The following MYO16 variants were observed in gnomAD, a reference collection of about 807,000 sequenced individuals.
MYO16 encodes unconventional myosin-XVI.
Under a neutral mutation model 205.3 loss-of-function variants are expected in MYO16, and 94 were observed. The observed-to-expected ratio is 0.46, with a 90% CI of 0.39 to 0.54. The LOEUF (loss-of-function observed/expected upper bound fraction) is 0.54. Ranked by LOEUF, MYO16 falls within the 20% of genes least tolerant of loss-of-function variation. The pLI, the probability that MYO16 is intolerant of heterozygous loss-of-function variation, is 0.00. For synonymous variants in MYO16, 988 were observed against 954.0 expected (o/e 1.04, Z -0.66); for missense variants, 2,315 against 2,387.5 (o/e 0.97, Z 0.63).
intron 28 of MYO16, among the ~76,000 whole-genome samples, chr13:109,116,825 G>A (rs1363288520): frequency 6.6e-6 from 1 of 152,112 alleles, no homozygotes; most frequent in African/African-American, 2.4e-5. Context: ...AAGGAGCAGG[G>A]TTGGCAACTG....
chr13:108,863,064 A>G (rs1878523734), intron 11 of MYO16, among the ~76,000 whole-genome samples: 1 of 151,694 alleles, frequency 6.6e-6, no homozygotes, highest in Admixed American at 6.6e-5. Context: ...TTCATTTTTT[A>G]TCCATCAAAC....
At chr13:108,867,108 C>T (rs1429682743) in intron 12 of MYO16, among the ~76,000 whole-genome samples, 1 of 151,838 alleles carries the variant, frequency 6.6e-6, no homozygotes, top group African/African-American at 2.4e-5. Flanking sequence ...CTTTGGAGGA[C>T]CAAGGCTGGT....
upstream of MYO16, among the ~76,000 whole-genome samples, chr13:108,628,372 T>G (rs1879828819): frequency 6.6e-6 from 1 of 152,210 alleles, no homozygotes. Context: ...GTTTTTTTCC[T>G]TGTTAATGTT....
chr13:109,042,779 G>T (rs369953829), intron 23 of MYO16, among the ~76,000 whole-genome samples: 8 of 152,132 alleles, frequency 5.3e-5, no homozygotes, highest in Non-Finnish European at 7.4e-5. Flanking sequence ...AATGTAAAGA[G>T]CTTGTCTGAT....
chr13:109,028,309 A>AT, intron 23 of MYO16: 1 of 228,600 alleles, frequency 4.4e-6, no homozygotes. Context: ...TATAGTATTA[A>AT]ATACAGAAAA....
chr13:108,977,591 T>A (rs1050835953), intron 20 of MYO16, among the ~76,000 whole-genome samples: 5 of 152,114 alleles, frequency 3.3e-5, no homozygotes, highest in Admixed American at 1.3e-4. Context: ...TTATATTTTT[T>A]TAAAAAAAAC....
intron 27 of MYO16, among the ~76,000 whole-genome samples, chr13:109,083,606 A>G (rs901322985): frequency 1.3e-5 from 2 of 152,128 alleles, no homozygotes; most frequent in African/African-American, 4.8e-5. Context: ...AATACCAAGA[A>G]TCAAAAGCTC....
intron 4 of MYO16, among the ~76,000 whole-genome samples, chr13:108,784,625 C>T (rs1270521916): frequency 6.6e-6 from 1 of 152,100 alleles, no homozygotes; most frequent in Admixed American, 6.6e-5. Flanking sequence ...AATATTAACA[C>T]ATAAAATTTT....
intron 4 of MYO16, among the ~76,000 whole-genome samples, chr13:108,742,217 C>G (rs1324192495): frequency 6.6e-6 from 1 of 152,058 alleles, no homozygotes; most frequent in Non-Finnish European, 1.5e-5. Flanking sequence ...TGGTCTTGAA[C>G]TCCTGACCTC....
intron 7 of MYO16, among the ~76,000 whole-genome samples, chr13:108,819,591 G>A (rs1875851633): frequency 6.6e-6 from 1 of 151,916 alleles, no homozygotes; most frequent in Admixed American, 6.6e-5. Flanking sequence ...TAAAAGTGGA[G>A]TATACAGAAA....
At chr13:109,152,344 G>A (rs1032126178) in intron 32 of MYO16, among the ~76,000 whole-genome samples, 6 of 152,138 alleles carry the variant, frequency 3.9e-5, no homozygotes, top group African/African-American at 1.4e-4. Flanking sequence ...CACCCTATTT[G>A]CACCACATAA....
the MYO16 span, among the ~76,000 whole-genome samples, chr13:108,527,727 C>T: frequency 6.6e-6 from 1 of 152,126 alleles, no homozygotes; most frequent in African/African-American, 2.4e-5. Flanking sequence ...AGGTTAGTTT[C>T]ATAACTTATT....
At chr13:109,044,882 G>C (rs1317763563) in intron 23 of MYO16, among the ~76,000 whole-genome samples, 1 of 152,062 alleles carries the variant, frequency 6.6e-6, no homozygotes, top group Non-Finnish European at 1.5e-5. Context: ...TAGAGATGGG[G>C]TTTCACTGTA....
At chr13:108,787,693 G>T (rs1886500377) in intron 5 of MYO16, among the ~76,000 whole-genome samples, 2 of 152,188 alleles carry the variant, frequency 1.3e-5, no homozygotes, top group Non-Finnish European at 2.9e-5. Context: ...CTCTTAAATG[G>T]CTGGTAGAAA....
intron 16 of MYO16, among the ~76,000 whole-genome samples, chr13:108,919,720 T>C (rs1881657943): frequency 6.6e-6 from 1 of 152,234 alleles, no homozygotes; most frequent in Non-Finnish European, 1.5e-5. Flanking sequence ...AGGGTTGTTA[T>C]GAGTAAATAA....
At chr13:108,789,066 C>G (rs1886540607) in intron 5 of MYO16, among the ~76,000 whole-genome samples, 1 of 152,202 alleles carries the variant, frequency 6.6e-6, no homozygotes, top group South Asian at 2.1e-4. Context: ...GCTTAATTAT[C>G]TTTCCAGACC....
At chr13:109,034,441 C>G (rs1300611108) in intron 23 of MYO16, among the ~76,000 whole-genome samples, 3 of 152,148 alleles carry the variant, frequency 2.0e-5, no homozygotes, top group Non-Finnish European at 4.4e-5. Flanking sequence ...TCGCTCAGCA[C>G]TTCTCCTTCC....
At chr13:109,133,527 G>A (rs973493483) in intron 31 of MYO16, among the ~76,000 whole-genome samples, 11 of 152,092 alleles carry the variant, frequency 7.2e-5, no homozygotes, top group African/African-American at 2.7e-4. Context: ...ATCTCCTAAC[G>A]TGACACACAT....
chr13:108,543,219 T>G, the MYO16 span, among the ~76,000 whole-genome samples: 1 of 152,176 alleles, frequency 6.6e-6, no homozygotes, highest in Non-Finnish European at 1.5e-5. Context: ...AAAGAGATAT[T>G]TCCAAGTATT....
Sources: allele counts gnomAD v4.1 joint callset (sites outside exome capture counted in the v4.1 genomes callset), GRCh38; gene constraint gnomAD v4.1.1; transcripts MANE v1.5; gene names NCBI Gene and HGNC (gene_info 2026-07-23, HGNC 2026-07-21).